YAP1: variants seen among roughly 807,000 people sequenced by gnomAD.
YAP1 encodes transcriptional coactivator YAP1.
A neutral mutation model predicts 56.9 loss-of-function variants in YAP1; 5 were observed. The observed-to-expected ratio is 0.09, with a 90% CI of 0.05 to 0.18. The LOEUF (loss-of-function observed/expected upper bound fraction) is 0.18. YAP1 is among the 10% of genes least tolerant of loss of function. YAP1 has a pLI of 1.00. For missense variants in YAP1, 539 were observed against 651.8 expected, an observed-to-expected ratio of 0.83 and a Z score of 1.88; for synonymous variants, 265 against 248.1, an observed-to-expected ratio of 1.07 and a Z score of -0.64.
chr11:102,219,149 C>A (rs1185912194), intron 6 of YAP1, among the ~76,000 whole-genome samples: 1 of 152,070 alleles, frequency 6.6e-6, no homozygotes, highest in African/African-American at 2.4e-5. Flanking sequence ...TCCAATACTC[C>A]CATGTTTGTC....
intron 8 of YAP1, among the ~76,000 whole-genome samples, chr11:102,229,343 T>G (rs1950353378): frequency 6.6e-6 from 1 of 152,208 alleles, no homozygotes; most frequent in Non-Finnish European, 1.5e-5. Flanking sequence ...AGTCTTATTA[T>G]GGTGGTGCTT....
intron 3 of YAP1, among the ~76,000 whole-genome samples, chr11:102,185,090 T>G (rs17097479): frequency 0.012 from 1,811 of 152,334 alleles, 35 homozygotes; most frequent in African/African-American, 0.042. Context: ...AGCCATGTAC[T>G]GACCATCCCA....
intron 2 of YAP1, 48 bp from the exon 3 acceptor site, chr11:102,162,408 T>C: frequency 6.5e-7 from 1 of 1,547,510 alleles, no homozygotes; most frequent in Non-Finnish European, 8.9e-7. Context: ...AGAATTGTTT[T>C]TGGAACCTGG....
rs891042127 is a variant in YAP1 at position 102,223,294 on chromosome 11, C to G, written c.1033-328C>G. On this transcript the variant is annotated intron_variant, in intron 6 of 8. Coordinates refer to ENST00000282441, the MANE Select transcript of YAP1 (RefSeq NM_001130145.3). Reference sequence around the variant, plus strand: ...AAAAGAAGAATTTTTTTTTAAAGACCAGACTTGCCATTCTATAATAACCCA... The same window carrying G: ...AAAAGAAGAATTTTTTTTTAAAGACGAGACTTGCCATTCTATAATAACCCA... Among the ~76,000 whole-genome samples the G allele has an allele frequency of 2.7e-5, 4 of 148,978 alleles. No homozygotes were observed. The South Asian group carries it at 6.3e-4, about 24-fold the overall frequency.
chr11:102,155,516 C>T (rs1237179067), intron 2 of YAP1, among the ~76,000 whole-genome samples: 2 of 152,118 alleles, frequency 1.3e-5, no homozygotes, highest in Non-Finnish European at 2.9e-5. Context: ...ACAGAAGGTT[C>T]CTTGACTGTT....
At chr11:102,148,811 T>G (rs1230577599) in intron 2 of YAP1, among the ~76,000 whole-genome samples, 1 of 152,138 alleles carries the variant, frequency 6.6e-6, no homozygotes, top group Non-Finnish European at 1.5e-5. Flanking sequence ...GAGGAAATGT[T>G]TGAAAGTATA....
Position 102,219,458 on chromosome 11 carries a change from C to T in YAP1, c.1033-4164C>T, listed in dbSNP as rs568270876. Among the ~76,000 whole-genome samples, 19 of 152,204 alleles carry T rather than the reference C, an allele frequency of 1.2e-4. 2 individuals carry two copies. The South Asian group carries it at 3.9e-3, about 32-fold the overall frequency. On this transcript the variant is annotated intron_variant, in intron 6 of 8. Transcript: ENST00000282441. ...AGTTTCTTCAAAAAGGTAGTGCCTT[C>T]ACCAGGTCTTAAATAATACGGAAGA... is the stretch of plus-strand genomic sequence containing the variant.
intron 3 of YAP1, among the ~76,000 whole-genome samples, chr11:102,165,343 G>A (rs1005402526): frequency 6.6e-6 from 1 of 152,182 alleles, no homozygotes; most frequent in African/African-American, 2.4e-5. Context: ...CTAGGTGATA[G>A]AGTGGGACCC....
chr11:102,192,157 A>T (rs971961209), intron 4 of YAP1, among the ~76,000 whole-genome samples: 1 of 152,192 alleles, frequency 6.6e-6, no homozygotes, highest in African/African-American at 2.4e-5. Flanking sequence ...CACAAAGTTT[A>T]TATTTCTTGA....
At chr11:102,150,741 A>T (rs938515740) in intron 2 of YAP1, among the ~76,000 whole-genome samples, 2 of 151,832 alleles carry the variant, frequency 1.3e-5, no homozygotes, top group Non-Finnish European at 1.5e-5. Context: ...TATTAATAGA[A>T]CCTTGTCAAA....
At chr11:102,207,133 A>AT (rs1949161829) in intron 5 of YAP1, among the ~76,000 whole-genome samples, 1 of 152,170 alleles carries the variant, frequency 6.6e-6, no homozygotes, top group Non-Finnish European at 1.5e-5. Context: ...ATATTTTTAA[A>AT]TTTCCATATA....
chr11:102,138,035 G>A (rs967096826), intron 2 of YAP1, among the ~76,000 whole-genome samples: 1 of 152,048 alleles, frequency 6.6e-6, no homozygotes, highest in Non-Finnish European at 1.5e-5. Flanking sequence ...TTACAGGCGC[G>A]TGCCACCACG....
At chr11:102,189,553 TA>T (rs1180966754) in intron 4 of YAP1, among the ~76,000 whole-genome samples, 2 of 152,188 alleles carry the variant, frequency 1.3e-5, no homozygotes, top group Non-Finnish European at 2.9e-5. Context: ...TTCTGAATTT[TA>T]AAGCAAGTAA....
intron 6 of YAP1, among the ~76,000 whole-genome samples, chr11:102,210,820 T>C (rs769458006): frequency 3.3e-5 from 5 of 151,988 alleles, no homozygotes; most frequent in Non-Finnish European, 7.4e-5. Context: ...TGGTGTGATC[T>C]CGGCTCACTG....
chr11:102,210,355 T>C (rs565806307), intron 6 of YAP1, among the ~76,000 whole-genome samples: 1 of 152,338 alleles, frequency 6.6e-6, no homozygotes, highest in East Asian at 1.9e-4. Context: ...TACTCTGCAC[T>C]ATGCTAAATA....
chr11:102,175,238 A>G (rs930938993), intron 3 of YAP1, among the ~76,000 whole-genome samples: 22 of 152,100 alleles, frequency 1.4e-4, no homozygotes, highest in Non-Finnish European at 2.8e-4. Context: ...CGTCTCTACT[A>G]AAAATACAAA....
rs141013469 is a variant in YAP1, at chr11:102,202,053, T to C, written c.803-3840T>C. Reference sequence around the variant, plus strand: ...AAATATGGCACACTTTGAACATTGATCAGAATAACTGTGCTGGATTAAAAC... The same window carrying C: ...AAATATGGCACACTTTGAACATTGACCAGAATAACTGTGCTGGATTAAAAC... On this transcript the variant is annotated intron_variant, in intron 4 of 8. Coordinates refer to ENST00000282441, the MANE Select transcript of YAP1 (RefSeq NM_001130145.3). 3.7e-4 allele frequency among the ~76,000 whole-genome samples: 57 copies of C among 152,286 alleles called. No individual in the cohort carries two copies. In the East Asian group the frequency reaches 0.011, roughly 29 times the overall value.
chr11:102,198,397 T>G (rs1297584567), intron 4 of YAP1, among the ~76,000 whole-genome samples: 1 of 152,236 alleles, frequency 6.6e-6, no homozygotes, highest in Non-Finnish European at 1.5e-5. Flanking sequence ...TGTGTAATTT[T>G]ATTGCTATTC....
In YAP1 at chr11:102,223,785, A is replaced by G. The variant is rs760546666; in HGVS notation, c.1163+33A>G. On this transcript the variant is annotated intron_variant, in intron 7 of 8. Coordinates refer to ENST00000282441, the MANE Select transcript of YAP1 (RefSeq NM_001130145.3). ...AAAGTTGCTACTGGTGAATATCTGA[A>G]AAGGATCATTGCTTTAAAATCATTC... 76 of 1,612,810 alleles carry G rather than the reference A, an allele frequency of 4.7e-5. 1 individual carries two copies. In the South Asian group the frequency reaches 6.9e-4, roughly 15 times the overall value.
Sources: allele counts gnomAD v4.1 joint callset (sites outside exome capture counted in the v4.1 genomes callset), GRCh38; gene constraint gnomAD v4.1.1; transcripts MANE v1.5; gene names NCBI Gene and HGNC (gene_info 2026-07-23, HGNC 2026-07-21).